Variants in EGLN3 observed in about 807,000 individuals in gnomAD.
EGLN3 encodes egl-9 family hypoxia inducible factor 3.
Under a neutral mutation model 26.0 loss-of-function variants are expected in EGLN3, and 15 were observed. The ratio of observed to expected loss-of-function variants is 0.58; its 90% CI spans 0.39 to 0.89. EGLN3 has a LOEUF of 0.89. EGLN3 is among the 40% of genes least tolerant of loss of function. The probability of loss-of-function intolerance (pLI) is 0.00; values close to 1 mark genes in which losing one functional copy is unlikely to be tolerated. For missense variants in EGLN3, 238 were observed against 311.6 expected, an observed-to-expected ratio of 0.76 and a Z score of 1.78; for synonymous variants, 147 against 127.2, an observed-to-expected ratio of 1.16 and a Z score of -1.05.
chr14:33,937,009 C>A (rs1189556038), intron 1 of EGLN3, among the ~76,000 whole-genome samples: 2 of 152,190 alleles, frequency 1.3e-5, no homozygotes, highest in Admixed American at 1.3e-4. Flanking sequence ...GATATGTGAT[C>A]TTCAAGGACA....
intron 2 of EGLN3, among the ~76,000 whole-genome samples, chr14:33,930,698 G>C (rs1202334235): frequency 1.3e-5 from 2 of 152,186 alleles, no homozygotes; most frequent in African/African-American, 2.4e-5. Flanking sequence ...TGGTTTTATA[G>C]CCTACAGTTC....
chr14:33,946,421 G>A (rs567661374), intron 1 of EGLN3, among the ~76,000 whole-genome samples: 4 of 152,176 alleles, frequency 2.6e-5, no homozygotes, highest in Admixed American at 2.0e-4. Context: ...CATCAGCACA[G>A]TACTCTATTT....
Position 33,947,300 on chromosome 14 carries a change from G to C in EGLN3, c.357+3096C>G, listed in dbSNP as rs566271049. On this transcript the variant is annotated intron_variant, in intron 1 of 4. Coordinates refer to ENST00000250457, the MANE Select transcript of EGLN3 (RefSeq NM_022073.4). ...AATGATCATGCTTGAAGTTAGGGGG[G>C]GCCATACAGCTGTACATTACAGGAA... is the stretch of plus-strand genomic sequence containing the variant. 1.6e-4 allele frequency among the ~76,000 whole-genome samples: 25 copies of C among 152,098 alleles called. No homozygotes were observed. In the South Asian group the frequency reaches 1.9e-3, roughly 11 times the overall value.
At position 33,925,802 on chromosome 14, in the gene EGLN3, T is replaced by G; in HGVS notation, c.*89A>C. On this transcript the variant is annotated 3_prime_UTR_variant, in exon 5 of 5. Coordinates refer to ENST00000250457, the MANE Select transcript of EGLN3 (RefSeq NM_022073.4). ...GAAGTAGCAGGGAGATTGTTGTCACTGAAGAGGCCATCTTTGGATCTCAAA... is the reference window on the plus strand; with the variant it reads ...GAAGTAGCAGGGAGATTGTTGTCACGGAAGAGGCCATCTTTGGATCTCAAA... 2 of 1,475,144 alleles carry G rather than the reference T, an allele frequency of 1.4e-6. No homozygotes were observed. Among genetic ancestry groups the G allele is most frequent in the Non-Finnish European group, 1.9e-6 (2 of 1,056,074 alleles). 91.4% of individuals were successfully genotyped at this position (1,475,144 alleles called of 1,614,324 possible).
chr14:33,928,258 G>A (rs771085679), intron 3 of EGLN3, among the ~76,000 whole-genome samples: 25 of 152,242 alleles, frequency 1.6e-4, no homozygotes, highest in Admixed American at 8.5e-4. Flanking sequence ...TGTGACTTCC[G>A]GAGGAGGGCA....
chr14:33,938,776 A>AT (rs1021346800), intron 1 of EGLN3, among the ~76,000 whole-genome samples: 1 of 152,178 alleles, frequency 6.6e-6, no homozygotes, highest in Non-Finnish European at 1.5e-5. Context: ...CATTTTGCAC[A>AT]TATCTTGTTT....
At chr14:33,939,316 T>G (rs1051197586) in intron 1 of EGLN3, among the ~76,000 whole-genome samples, 2 of 152,082 alleles carry the variant, frequency 1.3e-5, no homozygotes, top group African/African-American at 2.4e-5. Flanking sequence ...GTTCAGGCCA[T>G]TCTCCTGCCT....
intron 1 of EGLN3, among the ~76,000 whole-genome samples, chr14:33,932,368 C>G (rs1378890205): frequency 6.6e-6 from 1 of 152,166 alleles, no homozygotes; most frequent in Non-Finnish European, 1.5e-5. Context: ...TTCAAACATA[C>G]ATGTAAAGAT....
chr14:33,946,609 C>T (rs559124832), intron 1 of EGLN3, among the ~76,000 whole-genome samples: 1 of 152,272 alleles, frequency 6.6e-6, no homozygotes, highest in Non-Finnish European at 1.5e-5. Context: ...CACTCCATAA[C>T]ATTTGCTGAA....
intron 3 of EGLN3, among the ~76,000 whole-genome samples, 170 bp from the exon 4 acceptor site, chr14:33,927,203 A>G (rs1231308579): frequency 9.5e-6 from 1 of 105,192 alleles, no homozygotes; most frequent in Non-Finnish European, 2.2e-5. Flanking sequence ...TTTGAGATGG[A>G]GTCTTGCTCT....
At chr14:33,938,144 A>G (rs2064455310) in intron 1 of EGLN3, among the ~76,000 whole-genome samples, 1 of 152,218 alleles carries the variant, frequency 6.6e-6, no homozygotes, top group African/African-American at 2.4e-5. Flanking sequence ...AGTCTGCACG[A>G]AATTCTAGGG....
chr14:33,925,910 G>A lies in EGLN3; in HGVS notation c.701C>T (p.Ser234Phe). 2 of 1,611,676 alleles carry A rather than the reference G, an allele frequency of 1.2e-6. No homozygotes were observed. The highest frequency in any genetic ancestry group is 1.7e-6 in the Non-Finnish European group (2 of 1,178,952). The change falls in exon 5 of 5, where the codon TCT (serine) becomes TTT (phenylalanine). Residue 234 changes from serine to phenylalanine, a missense_variant. Ser to Phe is a radical substitution (Grantham distance 155). Coordinates refer to ENST00000250457, the MANE Select transcript of EGLN3 (RefSeq NM_022073.4). ...GCACGGTCAGTCTTCAGTGAGGGCA[G>A]ATTCAGTTTTCCCTGGGTTGGGGAC... ...KFRNLTRKTE[S>F]ALTED
chr14:33,929,029 G>C, intron 3 of EGLN3, 47 bp downstream of exon 3: 3 of 1,605,020 alleles, frequency 1.9e-6, no homozygotes, highest in Non-Finnish European at 2.6e-6. Flanking sequence ...TGGAACTAGG[G>C]TTTGTACACC....
intron 3 of EGLN3, 66 bp from the exon 4 acceptor site, chr14:33,927,099 T>C (rs1219295705): frequency 1.8e-6 from 2 of 1,126,254 alleles, no homozygotes; most frequent in Admixed American, 2.7e-5. Flanking sequence ...AAATGTCCTA[T>C]AAATCTCACA....
At position 33,931,385 on chromosome 14, in the gene EGLN3, C is replaced by A. The variant is rs529311655; in HGVS notation, c.358-170G>T. 3 of 883,644 alleles carry A rather than the reference C, an allele frequency of 3.4e-6. No individual in the cohort carries two copies. The Admixed American group carries it at 8.5e-5, about 25-fold the overall frequency. 54.7% of individuals were successfully genotyped at this position (883,644 alleles called of 1,614,324 possible). Reference sequence around the variant, plus strand: ...GTACATAAATTTGGACTCTTCTGTGCACAATGGCCAGGTCATACTATGGCT... The same window carrying A: ...GTACATAAATTTGGACTCTTCTGTGAACAATGGCCAGGTCATACTATGGCT... On this transcript the variant is annotated intron_variant, in intron 1 of 4. Coordinates refer to ENST00000250457, the MANE Select transcript of EGLN3 (RefSeq NM_022073.4).
Position 33,950,644 on chromosome 14 carries a change from C to A in EGLN3, c.109G>T (p.Glu37Ter), listed in dbSNP as rs201051686. 2.4e-5 allele frequency: 39 copies of A among 1,613,900 alleles called. No individual in the cohort carries two copies. Among genetic ancestry groups the A allele is most frequent in the Non-Finnish European group, 2.5e-6 (3 of 1,179,968 alleles). ...TCCAGGACGCAGTCGCCCACCACCT[C>A]GCCCAGGAAGTTGTCCAGGTAGCAG... is the stretch of plus-strand genomic sequence containing the variant. Reference protein sequence around the residue: ...GFCYLDNFLGEVVGDCVLERV... With the variant: ...GFCYLDNFLG The change falls in exon 1 of 5, where the codon GAG becomes TAG. Residue 37 changes from glutamate (E) to a stop codon, truncating the protein, a stop_gained. Coordinates refer to ENST00000250457, the MANE Select transcript of EGLN3 (RefSeq NM_022073.4). LOFTEE classifies it high-confidence loss of function.
rs764349464 is a variant in EGLN3, at chr14:33,950,363, A to T, written c.357+33T>A. On this transcript the variant is annotated intron_variant, in intron 1 of 4. Coordinates refer to ENST00000250457, the MANE Select transcript of EGLN3 (RefSeq NM_022073.4). ...TCCGAGTGCCTCCCGTCCCCGCGGG[A>T]GCAGCTGCGGCAGGGCGCCGAGCGC... 4 of 1,602,674 alleles carry T rather than the reference A, an allele frequency of 2.5e-6. No homozygotes were observed. The African/African-American group carries it at 5.4e-5, about 21-fold the overall frequency.
In EGLN3 at chr14:33,939,968, C is replaced by T. The variant is rs974498302; in HGVS notation, c.358-8753G>A. Among the ~76,000 whole-genome samples, 4 of 152,206 alleles carry T rather than the reference C, an allele frequency of 2.6e-5. No homozygotes were observed. The East Asian group carries it at 7.7e-4, about 29-fold the overall frequency. On this transcript the variant is annotated intron_variant, in intron 1 of 4. Transcript: ENST00000250457. ...TTGAAATATTTGACTCCACCTACCT[C>T]ATCCTTGCCTATCACCCTTCCAGAG...
Position 33,950,900 on chromosome 14 carries a change from G to T in EGLN3, c.-148C>A, listed in dbSNP as rs1417590268. The T allele has an allele frequency of 1.3e-5, 9 of 716,758 alleles. No homozygotes were observed. Among genetic ancestry groups the T allele is most frequent in the East Asian group, 1.0e-4 (4 of 40,192 alleles). The allele number at this position is 716,758 out of a possible 1,614,324, so 44.4% of individuals were successfully genotyped here. A position where few individuals can be genotyped will look rare whatever the true frequency, so the allele number is the denominator to read the frequency against. On this transcript the variant is annotated 5_prime_UTR_variant, in exon 1 of 5. Transcript: ENST00000250457. The stretch of plus-strand genomic sequence containing the variant: ...GTACCCGAGCCGCTGCAGCGTCGGG[G>T]ACAAGGGAAAGTTTCTCGCAACTCT...
Sources: allele counts gnomAD v4.1 joint callset (sites outside exome capture counted in the v4.1 genomes callset), GRCh38; gene constraint gnomAD v4.1.1; transcripts MANE v1.5; gene names NCBI Gene and HGNC (gene_info 2026-07-23, HGNC 2026-07-21).